PLAC1: variants seen among roughly 807,000 people sequenced by gnomAD.
The protein encoded by PLAC1 is placenta-specific protein 1.
For missense variants in PLAC1, 136 were observed against 163.2 expected, an observed-to-expected ratio of 0.83 and a Z score of 0.91; for synonymous variants, 68 against 62.1, an observed-to-expected ratio of 1.09 and a Z score of -0.44.
intron 1 of PLAC1, among the ~76,000 whole-genome samples, chrX:134,626,081 C>T (rs1342258365): frequency 1.8e-5 from 2 of 111,032 alleles, no homozygotes; most frequent in Non-Finnish European, 1.9e-5. Context: ...GCCTGACCAG[C>T]GACTTCAAGA....
intron 1 of PLAC1, among the ~76,000 whole-genome samples, chrX:134,641,989 G>A (rs897934325): frequency 1.8e-5 from 2 of 112,176 alleles, no homozygotes; most frequent in African/African-American, 6.5e-5. Context: ...GGAAGTGGGG[G>A]TGAGGTACCC....
intron 1 of PLAC1, among the ~76,000 whole-genome samples, chrX:134,756,340 G>GTT (rs777026246): frequency 1.0e-5 from 1 of 97,792 alleles, no homozygotes; most frequent in African/African-American, 3.7e-5. Context: ...GTGCCTATAT[G>GTT]TTTTTTTTTT....
intron 2 of PLAC1, among the ~76,000 whole-genome samples, chrX:134,582,994 A>AAT (rs762646194): frequency 8.9e-6 from 1 of 111,906 alleles, no homozygotes; most frequent in South Asian, 3.8e-4. Flanking sequence ...TAATGAGGAT[A>AAT]ATAATAATAA....
chrX:134,752,083 A>C (rs2078746183), intron 1 of PLAC1, among the ~76,000 whole-genome samples: 1 of 111,857 alleles, frequency 8.9e-6, no homozygotes, highest in Non-Finnish European at 1.9e-5. Context: ...AGAGTTAGGG[A>C]CTCAAGGGGG....
intron 2 of PLAC1, among the ~76,000 whole-genome samples, chrX:134,683,455 C>T (rs2078505535): frequency 8.9e-6 from 1 of 112,030 alleles, no homozygotes; most frequent in Non-Finnish European, 1.9e-5. Context: ...CTCTGGTCTG[C>T]TCTCACTGTG....
At chrX:134,634,735 T>G (rs1036206176) in intron 1 of PLAC1, among the ~76,000 whole-genome samples, 2 of 112,502 alleles carry the variant, frequency 1.8e-5, no homozygotes, top group African/African-American at 6.5e-5. Context: ...TTCCCTTATA[T>G]GGATATACTA....
At chrX:134,586,795 C>T (rs1244997510) in intron 2 of PLAC1, among the ~76,000 whole-genome samples, 3 of 104,402 alleles carry the variant, frequency 2.9e-5, no homozygotes, top group South Asian at 4.7e-4. Context: ...CTCAGCCTCC[C>T]GAGTAGCTGG....
At chrX:134,589,265 G>A (rs950305716) in intron 2 of PLAC1, among the ~76,000 whole-genome samples, 3 of 111,228 alleles carry the variant, frequency 2.7e-5, no homozygotes, top group African/African-American at 9.9e-5. Context: ...TATGGGGGAT[G>A]GAAATCGTAA....
intron 1 of PLAC1, among the ~76,000 whole-genome samples, chrX:134,642,945 GAGA>G (rs1205010589): frequency 3.7e-5 from 4 of 107,364 alleles, no homozygotes; most frequent in African/African-American, 1.4e-4. Flanking sequence ...TAGGGAGAGG[GAGA>G]AGAAGAAGAA....
intron 2 of PLAC1, among the ~76,000 whole-genome samples, chrX:134,699,248 C>T (rs1258749223): frequency 9.0e-6 from 1 of 111,375 alleles, no homozygotes; most frequent in Non-Finnish European, 1.9e-5. Context: ...CATGAGGAGT[C>T]TTCCTTCATG....
intron 2 of PLAC1, among the ~76,000 whole-genome samples, chrX:134,699,617 T>G (rs1037807169): frequency 8.9e-6 from 1 of 112,593 alleles, no homozygotes; most frequent in Non-Finnish European, 1.9e-5. Context: ...TTTTTAAAAT[T>G]TCTGTTGTTG....
At chrX:134,582,521 T>C (rs1186053128) in intron 2 of PLAC1, among the ~76,000 whole-genome samples, 3 of 111,591 alleles carry the variant, frequency 2.7e-5, no homozygotes, top group Non-Finnish European at 5.6e-5. Flanking sequence ...AATACCAAGT[T>C]TTAAGTAGTA....
intron 1 of PLAC1, among the ~76,000 whole-genome samples, chrX:134,757,517 C>G (rs959859411): frequency 8.9e-6 from 1 of 112,102 alleles, no homozygotes; most frequent in Non-Finnish European, 1.9e-5. Flanking sequence ...AGAGATATGA[C>G]AAGTACATGA....
intron 1 of PLAC1, among the ~76,000 whole-genome samples, chrX:134,647,782 T>C (rs2078341954): frequency 9.0e-6 from 1 of 111,637 alleles, no homozygotes; most frequent in Non-Finnish European, 1.9e-5. Flanking sequence ...GTCATATCCA[T>C]AACCTTTGCA....
At chrX:134,697,069 C>G (rs192452279) in intron 2 of PLAC1, among the ~76,000 whole-genome samples, 2 of 109,579 alleles carry the variant, frequency 1.8e-5, no homozygotes, top group East Asian at 2.9e-4. Context: ...GAAAGAAAAT[C>G]TCAGCTCAAC....
intron 2 of PLAC1, among the ~76,000 whole-genome samples, chrX:134,600,449 G>T (rs1187090907): frequency 8.9e-6 from 1 of 112,064 alleles, no homozygotes; most frequent in Non-Finnish European, 1.9e-5. Flanking sequence ...TTACAGGCAT[G>T]AGCCACTGTA....
chrX:134,578,881 C>T (rs113252759), intron 2 of PLAC1, among the ~76,000 whole-genome samples: 2,334 of 109,718 alleles, frequency 0.021, 56 homozygotes, highest in African/African-American at 0.071. Context: ...AAGGTTGGGG[C>T]TCTGATCCTT....
chrX:134,676,843 C>T (rs2078476988), intron 2 of PLAC1, among the ~76,000 whole-genome samples: 1 of 111,647 alleles, frequency 9.0e-6, no homozygotes, highest in Non-Finnish European at 1.9e-5. Flanking sequence ...GTTAAGAGGA[C>T]ATACTGACTG....
intron 2 of PLAC1, among the ~76,000 whole-genome samples, chrX:134,682,632 A>G (rs749138378): frequency 7.4e-5 from 8 of 108,522 alleles, no homozygotes; most frequent in Non-Finnish European, 1.5e-4. Context: ...GCTCACTGCA[A>G]CCTCCCTCCG....
Sources: allele counts gnomAD v4.1 joint callset (sites outside exome capture counted in the v4.1 genomes callset), GRCh38; gene constraint gnomAD v4.1.1; transcripts MANE v1.5; gene names NCBI Gene and HGNC (gene_info 2026-07-23, HGNC 2026-07-21).